The following MANBA variants were observed in gnomAD, a reference collection of about 807,000 sequenced individuals.
MANBA encodes mannosidase beta, also known as beta-mannosidase.
MANBA carries 83 observed loss-of-function variants against 111.1 expected under a neutral mutation model. That is an observed-to-expected ratio of 0.75 (90% confidence interval 0.63 to 0.90). MANBA has a LOEUF of 0.90. Ranked by LOEUF, MANBA falls within the 40% of genes least tolerant of loss-of-function variation. The pLI, the probability that MANBA is intolerant of heterozygous loss-of-function variation, is 0.00. For missense variants in MANBA, 1,036 were observed against 1,069.0 expected, an observed-to-expected ratio of 0.97 and a Z score of 0.43; for synonymous variants, 370 against 378.7, an observed-to-expected ratio of 0.98 and a Z score of 0.27.
intron 4 of MANBA, among the ~76,000 whole-genome samples, chr4:102,717,836 A>C (rs1722402966): frequency 6.6e-6 from 1 of 152,258 alleles, no homozygotes; most frequent in Non-Finnish European, 1.5e-5. Context: ...GACAGAGCTA[A>C]GACCCATGGA....
chr4:102,651,975 A>G (rs1730353648), intron 12 of MANBA, among the ~76,000 whole-genome samples: 1 of 151,976 alleles, frequency 6.6e-6, no homozygotes, highest in Non-Finnish European at 1.5e-5. Flanking sequence ...TTTAATTGAC[A>G]CAATAAGTGT....
intron 5 of MANBA, among the ~76,000 whole-genome samples, chr4:102,713,686 G>A (rs1722181378): frequency 6.6e-6 from 1 of 152,158 alleles, no homozygotes; most frequent in Non-Finnish European, 1.5e-5. Flanking sequence ...CAGATCACCT[G>A]AGGTCAGGAG....
chr4:102,681,947 A>G (rs1372908664), intron 7 of MANBA, among the ~76,000 whole-genome samples: 1 of 151,976 alleles, frequency 6.6e-6, no homozygotes, highest in African/African-American at 2.4e-5. Flanking sequence ...GGAGTTTGAG[A>G]CTAGCCTGAC....
At chr4:102,743,810 C>T (rs1723497494) in intron 1 of MANBA, among the ~76,000 whole-genome samples, 1 of 152,164 alleles carries the variant, frequency 6.6e-6, no homozygotes, top group Admixed American at 6.5e-5. Context: ...TCCACCAAAG[C>T]CCAGTAACAG....
At chr4:102,741,896 C>A (rs1407381978) in intron 1 of MANBA, among the ~76,000 whole-genome samples, 1 of 152,138 alleles carries the variant, frequency 6.6e-6, no homozygotes, top group Non-Finnish European at 1.5e-5. Flanking sequence ...CAAACAGCAC[C>A]TCAGGAGGTC....
At chr4:102,672,428 A>G (rs1426264394) in intron 8 of MANBA, among the ~76,000 whole-genome samples, 1 of 152,202 alleles carries the variant, frequency 6.6e-6, no homozygotes. Context: ...CTATTCCTTC[A>G]GTCTTGGAAA....
intron 1 of MANBA, among the ~76,000 whole-genome samples, chr4:102,741,610 C>T (rs563906334): frequency 1.2e-4 from 18 of 152,216 alleles, no homozygotes; most frequent in Non-Finnish European, 1.9e-4. Flanking sequence ...TACTACTCAG[C>T]CACAAAAAGG....
intron 5 of MANBA, among the ~76,000 whole-genome samples, chr4:102,702,349 T>C (rs1733096164): frequency 6.6e-6 from 1 of 152,146 alleles, no homozygotes; most frequent in Non-Finnish European, 1.5e-5. Flanking sequence ...AGCCTTCTTC[T>C]CTCAACTTGT....
intron 1 of MANBA, among the ~76,000 whole-genome samples, chr4:102,744,510 T>C (rs1171028575): frequency 6.6e-6 from 1 of 152,210 alleles, no homozygotes; most frequent in East Asian, 1.9e-4. Context: ...TTGCTGGCCT[T>C]GCTAGCTGAA....
chr4:102,675,396 T>C lies in MANBA; in HGVS notation c.961-1326A>G, dbSNP rs532095352. On this transcript the variant is annotated intron_variant, in intron 7 of 16. Transcript: ENST00000647097. ...GATGTAGCTCTGCGGCAGAGGTTTA[T>C]GGTATGAAGCAGTGCATTTTCAGAG... Among the ~76,000 whole-genome samples the C allele has an allele frequency of 5.9e-5, 9 of 152,326 alleles. No individual in the cohort carries two copies. In the East Asian group the frequency reaches 1.2e-3, roughly 20 times the overall value.
chr4:102,696,309 C>T (rs1732705726), intron 5 of MANBA, among the ~76,000 whole-genome samples: 1 of 152,106 alleles, frequency 6.6e-6, no homozygotes, highest in Non-Finnish European at 1.5e-5. Flanking sequence ...TATATGATGC[C>T]ACAGTTCCTG....
At chr4:102,756,552 A>C (rs1157622746) in intron 1 of MANBA, among the ~76,000 whole-genome samples, 2 of 152,136 alleles carry the variant, frequency 1.3e-5, no homozygotes, top group East Asian at 3.9e-4. Context: ...CGGGTGCAGC[A>C]CACCAACATG....
At chr4:102,671,694 T>G (rs1731506642) in intron 8 of MANBA, among the ~76,000 whole-genome samples, 1 of 152,236 alleles carries the variant, frequency 6.6e-6, no homozygotes, top group Non-Finnish European at 1.5e-5. Context: ...AATACAGTTG[T>G]AAGCCTTGGA....
intron 1 of MANBA, among the ~76,000 whole-genome samples, chr4:102,757,848 C>T (rs1030225287): frequency 1.3e-5 from 2 of 152,220 alleles, no homozygotes; most frequent in East Asian, 3.8e-4. Context: ...TTTCCTATGG[C>T]TCACAGCCTT....
In MANBA at chr4:102,686,190, A is replaced by ATGTGTGTGTGTG. The variant is rs34832646; in HGVS notation, c.960+3372_960+3383dup. Among the ~76,000 whole-genome samples the ATGTGTGTGTGTG allele has an allele frequency of 1.9e-3, 286 of 150,502 alleles. 1 individual carries two copies. Among genetic ancestry groups the ATGTGTGTGTGTG allele is most frequent in the African/African-American group, 6.5e-3 (266 of 41,210 alleles). ...GGAAATGTGTGAAAAGAACTAGGAA[A>ATGTGTGTGTGTG]TGTGTGTGTGTGTGTGTGTGTCTAC... On this transcript the variant is annotated intron_variant, in intron 7 of 16. Coordinates refer to ENST00000647097, the MANE Select transcript of MANBA (RefSeq NM_005908.4).
In MANBA at chr4:102,679,220, G is replaced by C. The variant is rs1731855213; in HGVS notation, c.961-5150C>G. Among the ~76,000 whole-genome samples the C allele has an allele frequency of 2.6e-5, 4 of 152,054 alleles. No individual in the cohort carries two copies. In the South Asian group the frequency reaches 8.3e-4, roughly 32 times the overall value. ...TTGCAATTTGCAGACAGCACAACCA[G>C]AAGTTAACAGATTAACATTGACATC... On this transcript the variant is annotated intron_variant, in intron 7 of 16. Transcript: ENST00000647097.
At chr4:102,731,401 A>G (rs1723029714) in intron 1 of MANBA, among the ~76,000 whole-genome samples, 1 of 152,152 alleles carries the variant, frequency 6.6e-6, no homozygotes, top group African/African-American at 2.4e-5. Flanking sequence ...CGCTCATTGG[A>G]TTCACTTAGC....
intron 11 of MANBA, among the ~76,000 whole-genome samples, chr4:102,662,444 G>A (rs1731007360): frequency 6.6e-6 from 1 of 151,412 alleles, no homozygotes; most frequent in Admixed American, 6.6e-5. Flanking sequence ...GGAGGCTGAG[G>A]CTACTCGGGA....
At chr4:102,731,800 C>T (rs1461854466) in intron 1 of MANBA, among the ~76,000 whole-genome samples, 11 of 152,090 alleles carry the variant, frequency 7.2e-5, no homozygotes, top group Admixed American at 5.9e-4. Context: ...CCCAAGATGA[C>T]TGGCCTCCTA....
Sources: allele counts gnomAD v4.1 joint callset (sites outside exome capture counted in the v4.1 genomes callset), GRCh38; gene constraint gnomAD v4.1.1; transcripts MANE v1.5; gene names NCBI Gene and HGNC (gene_info 2026-07-23, HGNC 2026-07-21).